Variants in WWOX observed in about 807,000 individuals in gnomAD.
WWOX encodes WW domain-containing oxidoreductase.
A neutral mutation model predicts 46.2 loss-of-function variants in WWOX; 69 were observed. The observed-to-expected ratio is 1.49, with a 90% CI of 1.23 to 1.82. The LOEUF (loss-of-function observed/expected upper bound fraction) is 1.82. Ranked by LOEUF, WWOX falls within the 40% of genes most tolerant of loss-of-function variation. WWOX has a pLI of 0.00. For synonymous variants in WWOX, 359 were observed against 202.6 expected, an observed-to-expected ratio of 1.77 and a Z score of -6.56; for missense variants, 919 against 542.6, an observed-to-expected ratio of 1.69 and a Z score of -6.89.
chr16:78,390,947 G>A (rs1416798670), intron 6 of WWOX, among the ~76,000 whole-genome samples: 4 of 152,220 alleles, frequency 2.6e-5, no homozygotes, highest in Non-Finnish European at 5.9e-5. Context: ...TCAAGCCAGA[G>A]TATTATCAGG....
At chr16:78,830,132 A>G (rs756063561) in intron 8 of WWOX, among the ~76,000 whole-genome samples, 1 of 152,130 alleles carries the variant, frequency 6.6e-6, no homozygotes, top group East Asian at 1.9e-4. Context: ...AAAATAAACA[A>G]AATACTTCTG....
At chr16:78,495,183 C>G (rs1306667225) in intron 8 of WWOX, among the ~76,000 whole-genome samples, 1 of 136,690 alleles carries the variant, frequency 7.3e-6, no homozygotes, top group Non-Finnish European at 1.5e-5. Context: ...GCCTGTCGCC[C>G]AGGTTGCAGT....
In WWOX at chr16:78,795,673, C is replaced by A. The variant is rs80204836; in HGVS notation, c.1056+362921C>A. On this transcript the variant is annotated intron_variant, in intron 8 of 8. Coordinates refer to ENST00000566780, the MANE Select transcript of WWOX (RefSeq NM_016373.4). ...GAATTTTTATTTTTTTATTAACATACACAGTCAGCATTGGGTGTGGCTCTG... is the reference window on the plus strand; with the variant it reads ...GAATTTTTATTTTTTTATTAACATAAACAGTCAGCATTGGGTGTGGCTCTG... Among the ~76,000 whole-genome samples the A allele has an allele frequency of 6.6e-3, 1,006 of 152,290 alleles. 15 individuals carry two copies. Among genetic ancestry groups the A allele is most frequent in the African/African-American group, 0.023 (945 of 41,554 alleles).
intron 6 of WWOX, among the ~76,000 whole-genome samples, chr16:78,406,557 G>A (rs1337274060): frequency 6.6e-6 from 1 of 150,494 alleles, no homozygotes; most frequent in Non-Finnish European, 1.5e-5. Flanking sequence ...CACCATGTTG[G>A]CGAGGATGGT....
At chr16:78,275,503 CTT>C (rs1258736131) in intron 5 of WWOX, among the ~76,000 whole-genome samples, 2 of 152,240 alleles carry the variant, frequency 1.3e-5, no homozygotes, top group African/African-American at 4.8e-5. Flanking sequence ...CTGAGGATCT[CTT>C]TGGCTTCTGC....
intron 8 of WWOX, among the ~76,000 whole-genome samples, chr16:79,155,971 C>T (rs952862991): frequency 1.3e-5 from 2 of 151,872 alleles, no homozygotes; most frequent in African/African-American, 4.8e-5. Flanking sequence ...ATACTTAAAG[C>T]ACCTAAGCAC....
chr16:78,603,732 C>T (rs1489550037), intron 8 of WWOX, among the ~76,000 whole-genome samples: 2 of 151,960 alleles, frequency 1.3e-5, no homozygotes, highest in Non-Finnish European at 2.9e-5. Flanking sequence ...AAAAATATGT[C>T]CTGTAATGAA....
intron 8 of WWOX, among the ~76,000 whole-genome samples, chr16:78,491,203 C>G (rs925539432): frequency 1.3e-5 from 2 of 152,278 alleles, no homozygotes; most frequent in Admixed American, 6.5e-5. Flanking sequence ...CCTTCCCAGA[C>G]CTTTACTCAC....
At chr16:78,563,518 C>CTT (rs59076103) in intron 8 of WWOX, among the ~76,000 whole-genome samples, 8 of 133,050 alleles carry the variant, frequency 6.0e-5, no homozygotes, top group Non-Finnish European at 1.3e-4. Flanking sequence ...CACACACACG[C>CTT]TTTTTTTTTT....
At chr16:78,801,720 C>G (rs771073578) in intron 8 of WWOX, among the ~76,000 whole-genome samples, 2 of 152,114 alleles carry the variant, frequency 1.3e-5, no homozygotes, top group Non-Finnish European at 2.9e-5. Context: ...AGGTGCACCC[C>G]CATCCTGCCA....
intron 5 of WWOX, among the ~76,000 whole-genome samples, chr16:78,293,998 A>AC (rs1567482489): frequency 8.6e-5 from 13 of 150,454 alleles, no homozygotes; most frequent in East Asian, 1.9e-4. Flanking sequence ...AAAAAAAAAA[A>AC]AAAAAAAAAA....
chr16:78,299,774 C>T (rs2080007370), intron 5 of WWOX, among the ~76,000 whole-genome samples: 1 of 151,986 alleles, frequency 6.6e-6, no homozygotes, highest in Non-Finnish European at 1.5e-5. Flanking sequence ...AGTGTTGTGC[C>T]CTGTTTGGCC....
intron 4 of WWOX, among the ~76,000 whole-genome samples, chr16:78,139,261 C>G (rs2033904391): frequency 6.6e-6 from 1 of 152,196 alleles, no homozygotes; most frequent in South Asian, 2.1e-4. Flanking sequence ...TGGACAAAAT[C>G]TGCAAGGAGG....
intron 8 of WWOX, among the ~76,000 whole-genome samples, chr16:78,954,763 T>G (rs770645816): frequency 6.6e-6 from 1 of 152,154 alleles, no homozygotes; most frequent in Non-Finnish European, 1.5e-5. Context: ...CAAAGCTACA[T>G]GACCAATTTG....
At chr16:78,396,304 GA>G (rs201330100) in intron 6 of WWOX, among the ~76,000 whole-genome samples, 22 of 148,700 alleles carry the variant, frequency 1.5e-4, no homozygotes, top group African/African-American at 3.0e-4. Context: ...ACATTTGTCG[GA>G]AAAAAAAAAG....
Position 78,350,836 on chromosome 16 carries a change from C to T in WWOX, c.517-36024C>T, listed in dbSNP as rs778426374. 5.0e-5 allele frequency among the ~76,000 whole-genome samples: 6 copies of T among 120,296 alleles called. 2 individuals carry two copies. Among genetic ancestry groups the T allele is most frequent in the East Asian group, 1.9e-4 (1 of 5,174 alleles). 78.9% of individuals were successfully genotyped at this position (120,296 alleles called of 152,430 possible). A position where few individuals can be genotyped will look rare whatever the true frequency, so the allele number is the denominator to read the frequency against. On this transcript the variant is annotated intron_variant, in intron 5 of 8. Transcript: ENST00000566780. Reference sequence around the variant, plus strand: ...TCCTAAGAGTGCAATTTCTGGATCACGTGGAACTCCTTGTTTAACCTTTTG... The same window carrying T: ...TCCTAAGAGTGCAATTTCTGGATCATGTGGAACTCCTTGTTTAACCTTTTG...
chr16:79,054,789 G>A lies in WWOX; in HGVS notation c.1057-156819G>A, dbSNP rs185150715. ...TGCTGTGAACTGTGATCACACCACC[G>A]CACTCCAGCCTGGATGAAAGAGTAT... On this transcript the variant is annotated intron_variant, in intron 8 of 8. Coordinates refer to ENST00000566780, the MANE Select transcript of WWOX (RefSeq NM_016373.4). 1.2e-3 allele frequency among the ~76,000 whole-genome samples: 182 copies of A among 152,286 alleles called. 1 individual carries two copies. Among genetic ancestry groups the A allele is most frequent in the African/African-American group, 4.1e-3 (171 of 41,574 alleles).
intron 8 of WWOX, chr16:78,551,524 C>G (rs968768076): frequency 6.6e-6 from 1 of 152,172 alleles, no homozygotes; most frequent in African/African-American, 2.4e-5. Flanking sequence ...GTTCCTGTCT[C>G]TGGTTCAAAG....
At position 78,724,297 on chromosome 16, in the gene WWOX, A is replaced by G. The variant is rs544261176; in HGVS notation, c.1056+291545A>G. 2.6e-5 allele frequency among the ~76,000 whole-genome samples: 4 copies of G among 152,256 alleles called. No homozygotes were observed. The South Asian group carries it at 6.2e-4, about 24-fold the overall frequency. Reference sequence around the variant, plus strand: ...CCATTTGGTAAAATACAGTAGTTGGATTCATTATCTCTGTGATTAACTTGC... The same window carrying G: ...CCATTTGGTAAAATACAGTAGTTGGGTTCATTATCTCTGTGATTAACTTGC... On this transcript the variant is annotated intron_variant, in intron 8 of 8. Transcript: ENST00000566780.
Sources: gnomAD v4.1 joint callset for allele counts (sites outside exome capture counted in the v4.1 genomes callset) on GRCh38, gnomAD v4.1.1 for gene constraint, MANE v1.5 for transcripts, NCBI Gene and HGNC (gene_info 2026-07-23, HGNC 2026-07-21) for gene names.